Variants in FAM184B observed in about 807,000 individuals in gnomAD.
FAM184B encodes protein FAM184B.
In FAM184B, 111 loss-of-function variants were observed where a neutral mutation model predicts 135.9. The observed-to-expected ratio is 0.82, with a 90% CI of 0.70 to 0.96. The LOEUF (loss-of-function observed/expected upper bound fraction) is 0.96, where lower values mean the gene tolerates loss of function less well. Among genes scored for constraint, FAM184B ranks in the 40% least tolerant of loss-of-function variants. The pLI, the probability that FAM184B is intolerant of heterozygous loss-of-function variation, is 0.00. For missense variants in FAM184B, 1,375 were observed against 1,323.9 expected, an observed-to-expected ratio of 1.04 and a Z score of -0.60; for synonymous variants, 552 against 524.8, an observed-to-expected ratio of 1.05 and a Z score of -0.71.
intron 16 of FAM184B, 149 bp downstream of exon 16, chr4:17,634,860 C>A: frequency 5.7e-6 from 3 of 527,564 alleles, no homozygotes; most frequent in East Asian, 3.2e-5. Flanking sequence ...CATAATCCGC[C>A]CAGCCATAGA....
At chr4:17,689,861 C>G (rs1270032494) in intron 6 of FAM184B, among the ~76,000 whole-genome samples, 2 of 152,008 alleles carry the variant, frequency 1.3e-5, no homozygotes, top group East Asian at 3.9e-4. Context: ...GAATTTACAG[C>G]AATAGGGCCG....
intron 1 of FAM184B, among the ~76,000 whole-genome samples, chr4:17,735,878 C>T (rs1034274843): frequency 6.6e-6 from 1 of 152,194 alleles, no homozygotes; most frequent in Non-Finnish European, 1.5e-5. Flanking sequence ...AACAGATGTA[C>T]AGAGAATCCC....
chr4:17,636,304 A>G (rs907789402), intron 15 of FAM184B, among the ~76,000 whole-genome samples: 9 of 152,124 alleles, frequency 5.9e-5, no homozygotes, highest in African/African-American at 2.2e-4. Context: ...CAGGGTTTCA[A>G]CATGGCTAGG....
chr4:17,647,164 C>T (rs1715489617), intron 12 of FAM184B, among the ~76,000 whole-genome samples: 1 of 151,902 alleles, frequency 6.6e-6, no homozygotes, highest in Non-Finnish European at 1.5e-5. Context: ...CCCTGCAGGC[C>T]CACCAAGTAT....
intron 1 of FAM184B, among the ~76,000 whole-genome samples, chr4:17,716,323 C>G (rs1315767199): frequency 6.6e-6 from 1 of 152,036 alleles, no homozygotes; most frequent in African/African-American, 2.4e-5. Context: ...TGAGCTTGAC[C>G]CTTTTTCCTC....
At chr4:17,692,662 G>A (rs1400326001) in intron 6 of FAM184B, among the ~76,000 whole-genome samples, 1 of 152,150 alleles carries the variant, frequency 6.6e-6, no homozygotes, top group African/African-American at 2.4e-5. Context: ...CTGAGGAACT[G>A]GTTTCATGGG....
intron 1 of FAM184B, among the ~76,000 whole-genome samples, chr4:17,749,899 A>G (rs1374258745): frequency 1.4e-5 from 2 of 142,708 alleles, no homozygotes; most frequent in Non-Finnish European, 3.2e-5. Flanking sequence ...TTTAGTATTT[A>G]CCGTTATAAT....
chr4:17,716,166 T>G (rs1478689675), intron 1 of FAM184B, among the ~76,000 whole-genome samples: 1 of 152,116 alleles, frequency 6.6e-6, no homozygotes, highest in Non-Finnish European at 1.5e-5. Context: ...TGTCTTCCTG[T>G]GCAATGTGGA....
chr4:17,635,041 G>A lies in FAM184B; in HGVS notation c.2857C>T (p.Pro953Ser), dbSNP rs1205478464. 3.9e-6 allele frequency: 6 copies of A among 1,551,746 alleles called. No individual in the cohort carries two copies. In the East Asian group the frequency reaches 1.5e-4, roughly 38 times the overall value. The change falls in exon 16 of 18, where the codon CCT becomes TCT. Residue 953 changes from proline (P) to serine (S), a missense_variant. By Grantham distance (74) the Pro-to-Ser change is moderately conservative. Coordinates refer to ENST00000265018, the MANE Select transcript of FAM184B (RefSeq NM_015688.2). ...GAAGGGGTCAAATATCCCGGGTGAGGATTGAAAGAGAAAGACCGATTCCGG... is the reference window on the plus strand; with the variant it reads ...GAAGGGGTCAAATATCCCGGGTGAGAATTGAAAGAGAAAGACCGATTCCGG... ...SHRNRSFSFN[P>S]HPGYLTPSMK...
rs1456725179 is a variant in FAM184B at position 17,630,488 on chromosome 4, C to T, written c.*2044G>A. 1.3e-5 allele frequency: 2 copies of T among 152,276 alleles called. No individual in the cohort carries two copies. The highest frequency in any genetic ancestry group is 3.9e-4 in the East Asian group (2 of 5,182). 9.4% of individuals were successfully genotyped at this position (152,276 alleles called of 1,614,324 possible). A position where few individuals can be genotyped will look rare whatever the true frequency, so the allele number is the denominator to read the frequency against. On this transcript the variant is annotated 3_prime_UTR_variant, in exon 18 of 18. Transcript: ENST00000265018. ...TGAAGAATGGGCCCTCCCCAGACTC[C>T]ATATCTGCTGGTGCCTTGATCTTGG...
intron 10 of FAM184B, among the ~76,000 whole-genome samples, chr4:17,657,930 T>G (rs1292386956): frequency 6.6e-6 from 1 of 152,184 alleles, no homozygotes; most frequent in African/African-American, 2.4e-5. Flanking sequence ...GTGCTGGGAT[T>G]ACAGGCATGA....
chr4:17,697,512 A>G (rs1267178249), intron 5 of FAM184B, among the ~76,000 whole-genome samples: 1 of 152,230 alleles, frequency 6.6e-6, no homozygotes. Flanking sequence ...TTCTAAACAC[A>G]GTATGTAAAT....
intron 12 of FAM184B, 135 bp downstream of exon 12, chr4:17,647,502 G>C: frequency 9.0e-7 from 1 of 1,106,130 alleles, no homozygotes; most frequent in Non-Finnish European, 1.2e-6. Context: ...CTCTGGCTTT[G>C]GCCTCCCAAA....
At chr4:17,776,364 G>A (rs968028464) in intron 1 of FAM184B, among the ~76,000 whole-genome samples, 5 of 152,154 alleles carry the variant, frequency 3.3e-5, no homozygotes, top group African/African-American at 1.2e-4. Flanking sequence ...ATAAGTAAAT[G>A]TAATTAATAC....
chr4:17,636,780 C>T, intron 14 of FAM184B, 135 bp from the exon 15 acceptor site: 1 of 697,094 alleles, frequency 1.4e-6, no homozygotes, highest in Non-Finnish European at 2.3e-6. Context: ...CAGCGGCTTG[C>T]CCAGGGCCCC....
At chr4:17,751,306 CA>C (rs71167334) in intron 1 of FAM184B, among the ~76,000 whole-genome samples, 1,653 of 91,688 alleles carry the variant, frequency 0.018, 17 homozygotes, top group East Asian at 0.084. Flanking sequence ...GACTCTGTCT[CA>C]AAAAAAAAAA....
chr4:17,737,804 G>A (rs1252174665), intron 1 of FAM184B, among the ~76,000 whole-genome samples: 1 of 152,084 alleles, frequency 6.6e-6, no homozygotes, highest in Admixed American at 6.6e-5. Flanking sequence ...CTCTGATCTG[G>A]CTCACATTCA....
intron 1 of FAM184B, among the ~76,000 whole-genome samples, chr4:17,714,483 TC>T (rs1440998080): frequency 1.3e-5 from 2 of 152,088 alleles, no homozygotes; most frequent in Non-Finnish European, 2.9e-5. Context: ...GGCCACCTAC[TC>T]CCTCAGGAAC....
intron 11 of FAM184B, among the ~76,000 whole-genome samples, chr4:17,650,429 C>T (rs751705465): frequency 1.3e-5 from 2 of 152,226 alleles, no homozygotes; most frequent in Non-Finnish European, 2.9e-5. Flanking sequence ...GCCCCTTCTT[C>T]TTGGGACTGG....
Sources: gnomAD v4.1 joint callset for allele counts (sites outside exome capture counted in the v4.1 genomes callset) on GRCh38, gnomAD v4.1.1 for gene constraint, MANE v1.5 for transcripts, NCBI Gene and HGNC (gene_info 2026-07-23, HGNC 2026-07-21) for gene names.